FAM53B: variants seen among roughly 807,000 people sequenced by gnomAD.
FAM53B encodes the protein protein FAM53B.
A neutral mutation model predicts 32.7 loss-of-function variants in FAM53B; 12 were observed. That is an observed-to-expected ratio of 0.37 (90% CI 0.24 to 0.59). The LOEUF (loss-of-function observed/expected upper bound fraction) is 0.59. Ranked by LOEUF, FAM53B falls within the 20% of genes least tolerant of loss-of-function variation. The pLI is 0.72. For synonymous variants in FAM53B, 234 were observed against 228.7 expected, an observed-to-expected ratio of 1.02 and a Z score of -0.21; for missense variants, 477 against 577.7, an observed-to-expected ratio of 0.83 and a Z score of 1.79.
At chr10:124,719,212 T>C (rs1950054268) in intron 1 of FAM53B, among the ~76,000 whole-genome samples, 1 of 152,068 alleles carries the variant, frequency 6.6e-6, no homozygotes, top group Non-Finnish European at 1.5e-5. Context: ...TTGAGCTCCT[T>C]CTTTATTTTT....
At chr10:124,720,298 C>T (rs920741907) in intron 1 of FAM53B, among the ~76,000 whole-genome samples, 1 of 104,150 alleles carries the variant, frequency 9.6e-6, no homozygotes, top group Non-Finnish European at 2.2e-5. Context: ...AGTGAGACCT[C>T]GTCTTGACAA....
At chr10:124,642,946 A>C (rs1482633877) in intron 4 of FAM53B, among the ~76,000 whole-genome samples, 2 of 152,162 alleles carry the variant, frequency 1.3e-5, no homozygotes, top group Non-Finnish European at 2.9e-5. Flanking sequence ...GTAAGACCCC[A>C]CAGTGTTTTC....
chr10:124,694,205 G>C (rs1295387846), intron 3 of FAM53B, among the ~76,000 whole-genome samples: 1 of 152,238 alleles, frequency 6.6e-6, no homozygotes, highest in African/African-American at 2.4e-5. Context: ...GAGGAGAAGA[G>C]CCTGGGACGG....
chr10:124,706,396 G>A (rs879858244), intron 2 of FAM53B, among the ~76,000 whole-genome samples: 1 of 152,174 alleles, frequency 6.6e-6, no homozygotes, highest in Non-Finnish European at 1.5e-5. Flanking sequence ...ACCAGGGGAT[G>A]GCCTCCCCTC....
At chr10:124,739,051 A>G (rs1304234269) in intron 1 of FAM53B, among the ~76,000 whole-genome samples, 7 of 149,924 alleles carry the variant, frequency 4.7e-5, no homozygotes, top group Non-Finnish European at 5.9e-5. Context: ...AACAAAAAAA[A>G]AAAAACAAAA....
intron 3 of FAM53B, among the ~76,000 whole-genome samples, chr10:124,685,225 C>A (rs951595698): frequency 1.3e-5 from 2 of 152,148 alleles, no homozygotes; most frequent in Admixed American, 6.5e-5. Context: ...TGGCAGACAG[C>A]TGGTTGGTTA....
chr10:124,737,512 T>A (rs1000533540), intron 1 of FAM53B, among the ~76,000 whole-genome samples: 6 of 152,118 alleles, frequency 3.9e-5, no homozygotes, highest in African/African-American at 1.4e-4. Flanking sequence ...AGGTTCCACG[T>A]CATGAGAACA....
intron 4 of FAM53B, among the ~76,000 whole-genome samples, chr10:124,657,162 GTATATATATATGTACATA>G (rs1446725254): frequency 9.6e-5 from 6 of 62,216 alleles, no homozygotes; most frequent in South Asian, 1.2e-3. Context: ...ATATATGTGT[GTATATATATATGTACATA>G]TATATATATA....
At chr10:124,723,243 C>T (rs897708908) in intron 1 of FAM53B, among the ~76,000 whole-genome samples, 1 of 152,256 alleles carries the variant, frequency 6.6e-6, no homozygotes, top group African/African-American at 2.4e-5. Context: ...CAAAGAGCTG[C>T]TCAGGAAATG....
intron 1 of FAM53B, among the ~76,000 whole-genome samples, chr10:124,709,228 G>A (rs983313959): frequency 4.6e-5 from 7 of 152,264 alleles, no homozygotes; most frequent in African/African-American, 1.7e-4. Flanking sequence ...CCATCCCTCT[G>A]GTGAAGTAGG....
intron 3 of FAM53B, among the ~76,000 whole-genome samples, chr10:124,687,672 CA>C (rs1424550182): frequency 2.6e-5 from 4 of 152,190 alleles, no homozygotes; most frequent in African/African-American, 9.7e-5. Flanking sequence ...GGGCCACCTA[CA>C]GGAGCATCCT....
intron 4 of FAM53B, among the ~76,000 whole-genome samples, chr10:124,658,031 C>A (rs1388495706): frequency 6.6e-6 from 1 of 152,156 alleles, no homozygotes; most frequent in East Asian, 1.9e-4. Flanking sequence ...ATTACCAAGA[C>A]CACGGAACTG....
In FAM53B at chr10:124,743,670, G is replaced by A. The variant is rs550274142; in HGVS notation, c.-175+343C>T. 3.3e-5 allele frequency among the ~76,000 whole-genome samples: 5 copies of A among 151,986 alleles called. No homozygotes were observed. In the South Asian group the frequency reaches 1.0e-3, roughly 32 times the overall value. On this transcript the variant is annotated intron_variant, in intron 1 of 4. Transcript: ENST00000337318. ...GTTGAGACGCGGAGAGGACACCCCCGGGCGCAGCAGTCCCCGCGCCCGCCC... is the reference window on the plus strand; with the variant it reads ...GTTGAGACGCGGAGAGGACACCCCCAGGCGCAGCAGTCCCCGCGCCCGCCC...
intron 4 of FAM53B, among the ~76,000 whole-genome samples, chr10:124,635,073 C>T (rs1222421757): frequency 2.7e-5 from 4 of 147,468 alleles, no homozygotes; most frequent in Non-Finnish European, 4.6e-5. Context: ...CGACCAATGA[C>T]ACAATTATTT....
intron 2 of FAM53B, among the ~76,000 whole-genome samples, chr10:124,700,747 G>A (rs1010943888): frequency 6.6e-6 from 1 of 152,190 alleles, no homozygotes; most frequent in African/African-American, 2.4e-5. Flanking sequence ...CACAACCACG[G>A]TTCTTGGTAA....
chr10:124,669,090 G>A (rs556221031), intron 4 of FAM53B, among the ~76,000 whole-genome samples: 11 of 152,374 alleles, frequency 7.2e-5, no homozygotes, highest in African/African-American at 2.6e-4. Context: ...GCCATTTTGG[G>A]GGGTGTAGGG....
chr10:124,684,675 C>G (rs753205116), intron 3 of FAM53B, among the ~76,000 whole-genome samples: 1 of 152,032 alleles, frequency 6.6e-6, no homozygotes. Flanking sequence ...ATGTACCACA[C>G]GCCCAGCTAA....
intron 1 of FAM53B, among the ~76,000 whole-genome samples, chr10:124,713,149 C>T (rs570626851): frequency 7.2e-5 from 11 of 152,382 alleles, no homozygotes; most frequent in South Asian, 2.1e-4. Flanking sequence ...TCTCCCTGGG[C>T]ATCCACCAGA....
At chr10:124,627,454 T>C (rs946513482) in intron 4 of FAM53B, among the ~76,000 whole-genome samples, 3 of 152,212 alleles carry the variant, frequency 2.0e-5, no homozygotes, top group African/African-American at 7.2e-5. Context: ...ATGAACACAT[T>C]ATTCCAAGGT....
Sources: gnomAD v4.1 joint callset for allele counts (sites outside exome capture counted in the v4.1 genomes callset) on GRCh38, gnomAD v4.1.1 for gene constraint, MANE v1.5 for transcripts, NCBI Gene and HGNC (gene_info 2026-07-23, HGNC 2026-07-21) for gene names.